USP54: variants seen among roughly 807,000 people sequenced by gnomAD.
The protein encoded by USP54 is ubiquitin carboxyl-terminal hydrolase 54.
USP54 carries 87 observed loss-of-function variants against 170.5 expected under a neutral mutation model. That is an observed-to-expected ratio of 0.51 (90% CI 0.43 to 0.61). The LOEUF is 0.61. USP54 is among the 20% of genes least tolerant of loss of function. The pLI, the probability that USP54 is intolerant of heterozygous loss-of-function variation, is 0.00. For missense variants in USP54, 1,786 were observed against 2,047.8 expected (o/e 0.87, Z 2.47); for synonymous variants, 655 against 742.8 (o/e 0.88, Z 1.92).
intron 4 of USP54, among the ~76,000 whole-genome samples, chr10:73,569,433 CAT>C (rs1233934421): frequency 6.6e-6 from 1 of 152,092 alleles, no homozygotes; most frequent in Non-Finnish European, 1.5e-5. Context: ...TATTAAAATT[CAT>C]ATTTGAACTC....
intron 1 of USP54, among the ~76,000 whole-genome samples, chr10:73,610,121 T>A (rs2080018817): frequency 6.6e-6 from 1 of 152,008 alleles, no homozygotes; most frequent in Admixed American, 6.6e-5. Context: ...GAGGCTGCAG[T>A]GAGCTGAGAT....
intron 10 of USP54, among the ~76,000 whole-genome samples, chr10:73,537,483 G>A (rs890537240): frequency 6.6e-6 from 1 of 151,884 alleles, no homozygotes; most frequent in Non-Finnish European, 1.5e-5. Context: ...GATCACATAA[G>A]CCACTTCAAC....
intron 4 of USP54, among the ~76,000 whole-genome samples, chr10:73,560,382 T>C (rs551421995): frequency 1.3e-5 from 2 of 151,576 alleles, no homozygotes; most frequent in East Asian, 2.0e-4. Context: ...AGGCCGGGCA[T>C]GGTGGCTCAC....
At chr10:73,513,774 C>T (rs1207677628) in intron 20 of USP54, among the ~76,000 whole-genome samples, 1 of 152,048 alleles carries the variant, frequency 6.6e-6, no homozygotes, top group Non-Finnish European at 1.5e-5. Context: ...TTTCAAACTA[C>T]CTGCAATGAA....
Position 73,554,227 on chromosome 10 carries a change from G to A in USP54, c.241-8555C>T, listed in dbSNP as rs544193904. The stretch of plus-strand genomic sequence containing the variant: ...TTTTTGAGCTCAAGGTCTTTGGAAA[G>A]TGCTCCAGTGGGCAGCCCACTTCAT... On this transcript the variant is annotated intron_variant, in intron 4 of 23. Transcript: ENST00000687698. 2.6e-5 allele frequency among the ~76,000 whole-genome samples: 4 copies of A among 152,292 alleles called. No individual in the cohort carries two copies. The South Asian group carries it at 8.3e-4, about 32-fold the overall frequency.
chr10:73,551,112 T>A (rs1683050197), intron 4 of USP54, among the ~76,000 whole-genome samples: 1 of 151,806 alleles, frequency 6.6e-6, no homozygotes, highest in Non-Finnish European at 1.5e-5. Flanking sequence ...TCAAAAAAAA[T>A]AAATTGTTTT....
chr10:73,573,147 G>A (rs2075512484), intron 3 of USP54, among the ~76,000 whole-genome samples: 1 of 151,950 alleles, frequency 6.6e-6, no homozygotes, highest in Admixed American at 6.6e-5. Flanking sequence ...AAAATTAGCT[G>A]CGTGTGGTAG....
intron 12 of USP54, among the ~76,000 whole-genome samples, 159 bp from the exon 13 acceptor site, chr10:73,530,994 C>G (rs2063847204): frequency 6.6e-6 from 1 of 151,976 alleles, no homozygotes; most frequent in African/African-American, 2.4e-5. Context: ...TAGGAACCTC[C>G]CAGTAGATAA....
chr10:73,559,600 C>T (rs1056085084), intron 4 of USP54, among the ~76,000 whole-genome samples: 5 of 147,804 alleles, frequency 3.4e-5, no homozygotes, highest in African/African-American at 1.0e-4. Context: ...TGGTGGAAGG[C>T]GCCTGTAATC....
chr10:73,547,198 A>G (rs921067915), intron 4 of USP54, among the ~76,000 whole-genome samples: 1 of 152,126 alleles, frequency 6.6e-6, no homozygotes, highest in Non-Finnish European at 1.5e-5. Context: ...GCTCAGGAGA[A>G]CAAGACCAGC....
intron 4 of USP54, among the ~76,000 whole-genome samples, chr10:73,561,060 ATG>A (rs2072836761): frequency 6.9e-6 from 1 of 145,416 alleles, no homozygotes; most frequent in African/African-American, 2.6e-5. Context: ...AGCCGAGATC[ATG>A]CTATTGCACT....
In USP54 at chr10:73,523,646, C is replaced by T; in HGVS notation, c.2299G>A (p.Ala767Thr). 6.2e-7 allele frequency: 1 copy of T among 1,613,666 alleles called. No individual in the cohort carries two copies. Among genetic ancestry groups the T allele is most frequent in the Non-Finnish European group, 8.5e-7 (1 of 1,179,680 alleles). The change falls in exon 17 of 24, where the codon GCA becomes ACA. Residue 767 changes from alanine to threonine, a missense_variant. By Grantham distance (58) the Ala-to-Thr change is moderately conservative (BLOSUM62 0). Around this residue, in one of 3 missense-constraint regions of USP54, gnomAD observed 1,418 missense variants for 1,569.0 expected, o/e 0.90. Coordinates refer to ENST00000687698, the MANE Select transcript of USP54 (RefSeq NM_001391956.1). Reference protein sequence around the residue: ...LRRKREKELEAAKGFNPHPSR... With the variant: ...LRRKREKELETAKGFNPHPSR... The stretch of plus-strand genomic sequence containing the variant: ...GGATGAGGGTTAAACCCTTTCGCTG[C>T]CTCTAACTCCTTCTCCCGTTTTCTT...
chr10:73,531,096 G>C (rs1007506552), intron 12 of USP54, among the ~76,000 whole-genome samples: 1 of 151,960 alleles, frequency 6.6e-6, no homozygotes, highest in African/African-American at 2.4e-5. Flanking sequence ...CCAGGAGTTC[G>C]AGACCAGACT....
At chr10:73,521,344 C>T (rs2061862373) in intron 17 of USP54, among the ~76,000 whole-genome samples, 1 of 152,060 alleles carries the variant, frequency 6.6e-6, no homozygotes, top group Non-Finnish European at 1.5e-5. Context: ...TATGACAGTG[C>T]GAGCGGAGGA....
chr10:73,548,908 T>C (rs1222356510), intron 4 of USP54, among the ~76,000 whole-genome samples: 3 of 152,256 alleles, frequency 2.0e-5, no homozygotes, highest in Non-Finnish European at 4.4e-5. Context: ...TATTAAAATA[T>C]CCAAGTTTTA....
chr10:73,539,637 C>T (rs2066134290), intron 9 of USP54, 44 bp from the exon 10 acceptor site: 4 of 1,550,124 alleles, frequency 2.6e-6, no homozygotes, highest in Non-Finnish European at 3.5e-6. Context: ...ACATATTCAA[C>T]CATTCCACAT....
upstream of USP54, among the ~76,000 whole-genome samples, chr10:73,592,471 C>CAAAAAAAAAAAA (rs367984467): frequency 1.5e-5 from 1 of 67,362 alleles, no homozygotes; most frequent in Non-Finnish European, 3.4e-5. Flanking sequence ...GAAAGTGCCA[C>CAAAAAAAAAAAA]AAAAAAAAAA....
intron 1 of USP54, among the ~76,000 whole-genome samples, chr10:73,613,384 G>A (rs964503099): frequency 6.6e-5 from 10 of 151,176 alleles, no homozygotes; most frequent in South Asian, 2.1e-4. Context: ...CACCTGCCTC[G>A]GCCTCCCCCT....
rs2061813593 is a variant in USP54, at chr10:73,521,081, T to G, written c.2363-54A>C. 4 of 1,606,586 alleles carry G rather than the reference T, an allele frequency of 2.5e-6. No homozygotes were observed. In the South Asian group the frequency reaches 3.3e-5, roughly 13 times the overall value. On this transcript the variant is annotated intron_variant, in intron 17 of 23. Transcript: ENST00000687698. ...TTACAATTCATTCCAAATTTTCCTG[T>G]GTACTGTTGTTTCCCTTCAGTACAC...
Sources: gnomAD v4.1 joint callset for allele counts (sites outside exome capture counted in the v4.1 genomes callset) on GRCh38, gnomAD v4.1.1 for gene constraint, gnomAD v4.1.1 regional missense constraint, MANE v1.5 for transcripts, NCBI Gene and HGNC (gene_info 2026-07-23, HGNC 2026-07-21) for gene names.